The following GNG12 variants were observed in gnomAD, a reference collection of about 807,000 sequenced individuals.
GNG12 encodes the protein guanine nucleotide-binding protein G(I)/G(S)/G(O) subunit gamma-12.
For synonymous variants in GNG12, 28 were observed against 29.7 expected, an observed-to-expected ratio of 0.94 and a Z score of 0.19; for missense variants, 69 against 83.8, an observed-to-expected ratio of 0.82 and a Z score of 0.69.
At chr1:67,769,838 TCTCA>T (rs1646662984) in intron 2 of GNG12, among the ~76,000 whole-genome samples, 2 of 152,014 alleles carry the variant, frequency 1.3e-5, no homozygotes, top group African/African-American at 2.4e-5. Flanking sequence ...TCACACTCAC[TCTCA>T]CTCTCTCTCT....
At chr1:67,758,779 A>C (rs1646584862) in intron 2 of GNG12, among the ~76,000 whole-genome samples, 1 of 152,206 alleles carries the variant, frequency 6.6e-6, no homozygotes. Context: ...TGATTGCTCC[A>C]ATGGAGGAAT....
intron 2 of GNG12, among the ~76,000 whole-genome samples, chr1:67,743,491 G>A (rs1318227684): frequency 6.6e-6 from 1 of 152,172 alleles, no homozygotes; most frequent in African/African-American, 2.4e-5. Flanking sequence ...CAACAGAAGA[G>A]TGAAACTCAG....
At chr1:67,830,360 T>C (rs988020617) in intron 1 of GNG12, among the ~76,000 whole-genome samples, 3 of 152,214 alleles carry the variant, frequency 2.0e-5, no homozygotes, top group South Asian at 2.1e-4. Context: ...AACAATGTGA[T>C]GAGTAGATTT....
intron 3 of GNG12, among the ~76,000 whole-genome samples, chr1:67,706,315 G>A (rs1646247144): frequency 6.6e-6 from 1 of 152,188 alleles, no homozygotes; most frequent in Admixed American, 6.5e-5. Flanking sequence ...AGAACTGAAC[G>A]ATGGGCTCGG....
intron 2 of GNG12, among the ~76,000 whole-genome samples, chr1:67,736,528 T>C (rs948712152): frequency 2.2e-4 from 33 of 152,292 alleles, no homozygotes; most frequent in African/African-American, 7.5e-4. Context: ...CCAGCTGCAC[T>C]GTGTGGCAGG....
At chr1:67,815,616 T>C (rs1243482715) in intron 1 of GNG12, among the ~76,000 whole-genome samples, 2 of 152,158 alleles carry the variant, frequency 1.3e-5, no homozygotes, top group Admixed American at 1.3e-4. Context: ...TGTTTTTACC[T>C]AGCAGCATAC....
chr1:67,817,372 A>C (rs1646958775), intron 1 of GNG12, among the ~76,000 whole-genome samples: 1 of 152,212 alleles, frequency 6.6e-6, no homozygotes, highest in African/African-American at 2.4e-5. Context: ...CCCATTTTAC[A>C]GATAAGGAAA....
chr1:67,827,517 C>T (rs1647018012), intron 1 of GNG12, among the ~76,000 whole-genome samples: 1 of 151,946 alleles, frequency 6.6e-6, no homozygotes, highest in African/African-American at 2.4e-5. Context: ...GCTCTGCCTC[C>T]CAGGTTCACG....
intron 1 of GNG12, among the ~76,000 whole-genome samples, chr1:67,828,488 C>T (rs1162697154): frequency 6.6e-6 from 1 of 152,200 alleles, no homozygotes; most frequent in Non-Finnish European, 1.5e-5. Flanking sequence ...CTTTAAGGAA[C>T]CTCAGCTTCC....
At chr1:67,712,959 C>T (rs1570477546) in intron 2 of GNG12, among the ~76,000 whole-genome samples, 2 of 152,052 alleles carry the variant, frequency 1.3e-5, no homozygotes, top group African/African-American at 4.8e-5. Flanking sequence ...GAACTCCTGA[C>T]CTCTGGTGAT....
chr1:67,716,400 AT>A (rs1192472765), intron 2 of GNG12, among the ~76,000 whole-genome samples: 1 of 152,230 alleles, frequency 6.6e-6, no homozygotes, highest in African/African-American at 2.4e-5. Flanking sequence ...ATAATGATTA[AT>A]TTTGACAATT....
chr1:67,706,518 C>T (rs930781886), intron 3 of GNG12, among the ~76,000 whole-genome samples: 5 of 152,138 alleles, frequency 3.3e-5, no homozygotes, highest in Admixed American at 6.5e-5. Context: ...GATCTCTTTG[C>T]CCTAAGCAAA....
intron 2 of GNG12, among the ~76,000 whole-genome samples, chr1:67,742,268 C>T (rs1180641808): frequency 2.0e-5 from 3 of 152,188 alleles, no homozygotes; most frequent in Non-Finnish European, 4.4e-5. Flanking sequence ...GTTTTATTCT[C>T]ATGACCCAAG....
At chr1:67,718,028 T>C (rs902781027) in intron 2 of GNG12, among the ~76,000 whole-genome samples, 1 of 152,218 alleles carries the variant, frequency 6.6e-6, no homozygotes, top group Non-Finnish European at 1.5e-5. Flanking sequence ...GTGCCTGACA[T>C]GCACTGGTCC....
At chr1:67,814,340 C>T (rs185171832) in intron 1 of GNG12, among the ~76,000 whole-genome samples, 19 of 152,260 alleles carry the variant, frequency 1.2e-4, no homozygotes, top group Admixed American at 5.2e-4. Context: ...GAACTTCTTC[C>T]GCATTGTTTT....
At chr1:67,737,657 G>T (rs770078856) in intron 2 of GNG12, among the ~76,000 whole-genome samples, 2 of 151,584 alleles carry the variant, frequency 1.3e-5, no homozygotes, top group Non-Finnish European at 2.9e-5. Context: ...CTGCTCCAAA[G>T]ATAGCTGTCT....
intron 1 of GNG12, among the ~76,000 whole-genome samples, chr1:67,799,174 C>G (rs557203618): frequency 6.6e-6 from 1 of 152,162 alleles, no homozygotes; most frequent in Non-Finnish European, 1.5e-5. Flanking sequence ...GTTATACATA[C>G]ATTTTCGATT....
chr1:67,760,615 C>T (rs1281629773), intron 2 of GNG12, among the ~76,000 whole-genome samples: 1 of 152,162 alleles, frequency 6.6e-6, no homozygotes, highest in African/African-American at 2.4e-5. Context: ...AAAGTCAAAG[C>T]TAATGTAGAA....
intron 2 of GNG12, among the ~76,000 whole-genome samples, chr1:67,740,696 G>A (rs1215152255): frequency 6.6e-6 from 1 of 152,214 alleles, no homozygotes; most frequent in African/African-American, 2.4e-5. Context: ...GTGGTGATTA[G>A]ATCATGAGGG....
Sources: gnomAD v4.1 joint callset for allele counts (sites outside exome capture counted in the v4.1 genomes callset) on GRCh38, gnomAD v4.1.1 for gene constraint, MANE v1.5 for transcripts, NCBI Gene and HGNC (gene_info 2026-07-23, HGNC 2026-07-21) for gene names.